L2HGDH: variants seen among roughly 807,000 people sequenced by gnomAD.
L2HGDH encodes L-2-hydroxyglutarate dehydrogenase, mitochondrial.
L2HGDH carries 34 observed loss-of-function variants against 51.5 expected under a neutral mutation model. That is an observed-to-expected ratio of 0.66 (90% CI 0.50 to 0.88). L2HGDH has a LOEUF of 0.88. Ranked by LOEUF, L2HGDH falls within the 40% of genes least tolerant of loss-of-function variation. The pLI is 0.00. For synonymous variants in L2HGDH, 198 were observed against 197.9 expected, an observed-to-expected ratio of 1.00 and a Z score of -0.01; for missense variants, 558 against 571.9, an observed-to-expected ratio of 0.98 and a Z score of 0.25.
chr14:50,279,221 T>G (rs982145152), intron 5 of L2HGDH, among the ~76,000 whole-genome samples: 19 of 152,322 alleles, frequency 1.2e-4, no homozygotes, highest in African/African-American at 4.6e-4. Flanking sequence ...TTAGATCTCC[T>G]TAAAAACCTG....
intron 3 of L2HGDH, among the ~76,000 whole-genome samples, chr14:50,297,019 T>C (rs534376101): frequency 6.6e-5 from 10 of 152,270 alleles, no homozygotes; most frequent in African/African-American, 1.2e-4. Context: ...AAAAACCACA[T>C]GATCACCTTG....
intron 4 of L2HGDH, 69 bp from the exon 5 acceptor site, chr14:50,284,102 A>T: frequency 6.8e-7 from 1 of 1,470,408 alleles, no homozygotes; most frequent in Non-Finnish European, 9.4e-7. Flanking sequence ...AATCTCTATA[A>T]TCAAGAAACA....
In L2HGDH at chr14:50,247,026, G is replaced by C. The variant is rs1332571008; in HGVS notation, c.*32C>G. The stretch of plus-strand genomic sequence containing the variant: ...AGTACATTCTTGTTGCTGACATGAA[G>C]ATTACAGTGCATACCTAGCTCCTTT... On this transcript the variant is annotated 3_prime_UTR_variant, in exon 10 of 10. Coordinates refer to ENST00000267436, the MANE Select transcript of L2HGDH (RefSeq NM_024884.3). 6.2e-7 allele frequency: 1 copy of C among 1,601,218 alleles called. No homozygotes were observed. The highest frequency in any genetic ancestry group is 8.5e-7 in the Non-Finnish European group (1 of 1,171,312).
At chr14:50,309,169 T>C (rs2030905736) in intron 1 of L2HGDH, among the ~76,000 whole-genome samples, 1 of 152,262 alleles carries the variant, frequency 6.6e-6, no homozygotes, top group African/African-American at 2.4e-5. Context: ...AAGTCCATTT[T>C]GTCAATTTTT....
chr14:50,271,787 C>G (rs1262719308), intron 6 of L2HGDH, among the ~76,000 whole-genome samples: 1 of 152,086 alleles, frequency 6.6e-6, no homozygotes, highest in Non-Finnish European at 1.5e-5. Context: ...GCAGATTCCC[C>G]CCTCCCCATA....
At chr14:50,292,423 T>C (rs1890932178) in intron 4 of L2HGDH, among the ~76,000 whole-genome samples, 1 of 152,224 alleles carries the variant, frequency 6.6e-6, no homozygotes, top group Admixed American at 6.5e-5. Flanking sequence ...ATTAAAAAGC[T>C]ACTATAGGGC....
chr14:50,286,795 T>C (rs1890591960), intron 4 of L2HGDH, among the ~76,000 whole-genome samples: 1 of 152,214 alleles, frequency 6.6e-6, no homozygotes, highest in African/African-American at 2.4e-5. Flanking sequence ...TGGGGGTTTG[T>C]CTCTGAGGCT....
At chr14:50,264,873 A>G (rs1889248725) in intron 9 of L2HGDH, among the ~76,000 whole-genome samples, 1 of 152,172 alleles carries the variant, frequency 6.6e-6, no homozygotes, top group African/African-American at 2.4e-5. Context: ...CCCCAAACCT[A>G]AAAGGTTTTT....
chr14:50,265,578 T>G (rs1889290342), intron 8 of L2HGDH, 89 bp from the exon 9 acceptor site: 1 of 1,213,494 alleles, frequency 8.2e-7, no homozygotes. Flanking sequence ...TTTTTTTATG[T>G]CATCACAAAA....
chr14:50,277,591 T>G (rs925290160), intron 6 of L2HGDH, among the ~76,000 whole-genome samples: 1 of 151,660 alleles, frequency 6.6e-6, no homozygotes, highest in African/African-American at 2.4e-5. Context: ...CTGGTTAACA[T>G]GGTGAAACCC....
At position 50,246,199 on chromosome 14, in the gene L2HGDH, A is replaced by C. The variant is rs1357933310; in HGVS notation, c.*859T>G. On this transcript the variant is annotated 3_prime_UTR_variant, in exon 10 of 10. Coordinates refer to ENST00000267436, the MANE Select transcript of L2HGDH (RefSeq NM_024884.3). The stretch of plus-strand genomic sequence containing the variant: ...TGCCTCTTTATTCGCAAAGTAAATA[A>C]GCATGGAATTTATTTTTTGTTGTTG... The C allele has an allele frequency of 6.6e-6, 1 of 151,658 alleles. No homozygotes were observed. The highest frequency in any genetic ancestry group is 2.4e-5 in the African/African-American group (1 of 41,318). 9.4% of individuals were successfully genotyped at this position (151,658 alleles called of 1,614,324 possible).
intron 4 of L2HGDH, among the ~76,000 whole-genome samples, chr14:50,287,825 G>A (rs1043042169): frequency 2.0e-5 from 3 of 149,556 alleles, no homozygotes; most frequent in African/African-American, 7.4e-5. Flanking sequence ...AGCCTCCCAA[G>A]TAGCTGGGAC....
intron 9 of L2HGDH, among the ~76,000 whole-genome samples, chr14:50,254,138 G>T (rs975845168): frequency 1.3e-5 from 2 of 151,840 alleles, no homozygotes; most frequent in African/African-American, 4.8e-5. Context: ...AGCACGACAG[G>T]GAGACCATAG....
chr14:50,247,542 T>C (rs1365711911), intron 9 of L2HGDH, among the ~76,000 whole-genome samples: 6 of 152,214 alleles, frequency 3.9e-5, no homozygotes, highest in Non-Finnish European at 8.8e-5. Flanking sequence ...CCAAAGGTAG[T>C]AGGTAAATCC....
intron 1 of L2HGDH, among the ~76,000 whole-genome samples, chr14:50,306,754 G>A (rs2030750837): frequency 6.6e-6 from 1 of 151,800 alleles, no homozygotes; most frequent in Non-Finnish European, 1.5e-5. Context: ...CAGTTCTTTT[G>A]GGAAGCTTTT....
chr14:50,265,955 G>A (rs192911819), intron 8 of L2HGDH, among the ~76,000 whole-genome samples: 1 of 152,010 alleles, frequency 6.6e-6, no homozygotes, highest in African/African-American at 2.4e-5. Flanking sequence ...ATCAACTTTT[G>A]GCCAATATCA....
intron 5 of L2HGDH, among the ~76,000 whole-genome samples, chr14:50,280,838 A>G (rs1890228626): frequency 6.6e-6 from 1 of 152,022 alleles, no homozygotes. Context: ...TTTTTGAGAC[A>G]AGGTCTCACT....
At chr14:50,288,308 C>T (rs925646147) in intron 4 of L2HGDH, among the ~76,000 whole-genome samples, 1 of 152,132 alleles carries the variant, frequency 6.6e-6, no homozygotes, top group Non-Finnish European at 1.5e-5. Context: ...CTGTATTAGA[C>T]CTCTACAGAC....
At chr14:50,306,427 G>A (rs905239766) in intron 1 of L2HGDH, among the ~76,000 whole-genome samples, 1 of 151,998 alleles carries the variant, frequency 6.6e-6, no homozygotes, top group African/African-American at 2.4e-5. Flanking sequence ...CTTTCATACT[G>A]TTTTTCTTTC....
Sources: gnomAD v4.1 joint callset for allele counts (sites outside exome capture counted in the v4.1 genomes callset) on GRCh38, gnomAD v4.1.1 for gene constraint, MANE v1.5 for transcripts, NCBI Gene and HGNC (gene_info 2026-07-23, HGNC 2026-07-21) for gene names.